Variants in PLXNA1 observed in about 807,000 individuals in gnomAD.
PLXNA1 encodes plexin-A1.
PLXNA1 carries 77 observed loss-of-function variants against 191.7 expected under a neutral mutation model. The observed-to-expected ratio is 0.40, with a 90% CI of 0.33 to 0.49. The LOEUF (loss-of-function observed/expected upper bound fraction) is 0.49. PLXNA1 is among the 20% of genes least tolerant of loss of function. The pLI, the probability that PLXNA1 is intolerant of heterozygous loss-of-function variation, is 0.63. For missense variants in PLXNA1, 2,110 were observed against 2,660.2 expected (o/e 0.79, Z 4.55); for synonymous variants, 1,137 against 1,156.4 (o/e 0.98, Z 0.34).
intron 1 of PLXNA1, among the ~76,000 whole-genome samples, chr3:126,983,805 C>G (rs935422489): frequency 3.9e-5 from 6 of 152,002 alleles, no homozygotes; most frequent in African/African-American, 1.4e-4. Context: ...GGTGGCCAGG[C>G]CCGGATAGGG....
intron 9 of PLXNA1, among the ~76,000 whole-genome samples, 164 bp downstream of exon 9, chr3:127,008,077 C>A (rs1002561566): frequency 4.6e-5 from 7 of 152,140 alleles, no homozygotes; most frequent in Non-Finnish European, 8.8e-5. Flanking sequence ...AGTGAGGTGA[C>A]CCTGGATGCC....
chr3:127,015,770 G>C (rs2079119763), intron 15 of PLXNA1, among the ~76,000 whole-genome samples: 1 of 152,166 alleles, frequency 6.6e-6, no homozygotes, highest in Admixed American at 6.5e-5. Context: ...CTGCAGCTGA[G>C]GGGGCCTGGT....
intron 31 of PLXNA1, among the ~76,000 whole-genome samples, 197 bp from the exon 32 acceptor site, chr3:127,033,725 A>G (rs1306570807): frequency 6.6e-6 from 1 of 152,066 alleles, no homozygotes; most frequent in African/African-American, 2.4e-5. Flanking sequence ...TTAGGGGGTG[A>G]GAGTAGGATG....
At chr3:126,988,136 T>C (rs939669356) in intron 1 of PLXNA1, among the ~76,000 whole-genome samples, 1 of 152,086 alleles carries the variant, frequency 6.6e-6, no homozygotes, top group African/African-American at 2.4e-5. Context: ...AGGGTCCTGC[T>C]CCCCAGTGCA....
intron 8 of PLXNA1, among the ~76,000 whole-genome samples, chr3:127,007,182 T>C (rs948208936): frequency 2.6e-5 from 4 of 151,818 alleles, no homozygotes; most frequent in Middle Eastern, 3.4e-3. Context: ...GGAGAGGAGA[T>C]GGAGGTGGTG....
intron 20 of PLXNA1, among the ~76,000 whole-genome samples, chr3:127,019,855 G>A (rs553659496): frequency 2.0e-5 from 3 of 152,242 alleles, no homozygotes; most frequent in African/African-American, 4.8e-5. Context: ...ACCCCTGGCC[G>A]CACTCCACCA....
chr3:127,030,521 T>C (rs2079204004), intron 29 of PLXNA1, 109 bp downstream of exon 29: 1 of 1,358,208 alleles, frequency 7.4e-7, no homozygotes, highest in South Asian at 1.3e-5. Flanking sequence ...CTCCCTGGCG[T>C]GGGGACACAA....
At chr3:126,998,667 C>T (rs2079025832) in intron 3 of PLXNA1, among the ~76,000 whole-genome samples, 1 of 152,250 alleles carries the variant, frequency 6.6e-6, no homozygotes, top group Non-Finnish European at 1.5e-5. Flanking sequence ...AATTCTCACA[C>T]AGCTCTGTGA....
rs1164812394 is a variant in PLXNA1 at position 127,006,240 on chromosome 3, T to G, written c.1997+62T>G. On this transcript the variant is annotated intron_variant, in intron 8 of 31. Coordinates refer to ENST00000393409, the MANE Select transcript of PLXNA1 (RefSeq NM_032242.4). ...GGGCTACTTGCCCCACTCCCGTCCC[T>G]GTGGTCCCACTGTGCTTGCTGTCTG... The G allele has an allele frequency of 3.9e-6, 5 of 1,293,962 alleles. No homozygotes were observed. In the East Asian group the frequency reaches 1.2e-4, roughly 30 times the overall value. The allele number at this position is 1,293,962 out of a possible 1,614,324, so 80.2% of individuals were successfully genotyped here. A position where few individuals can be genotyped will look rare whatever the true frequency, so the allele number is the denominator to read the frequency against.
chr3:127,006,293 C>T, intron 8 of PLXNA1, 115 bp downstream of exon 8: 1 of 795,844 alleles, frequency 1.3e-6, no homozygotes, highest in Non-Finnish European at 2.2e-6. Flanking sequence ...GGCCAGGCAG[C>T]AGATGGTGAT....
chr3:127,029,792 C>T (rs2107638295), intron 27 of PLXNA1, 82 bp from the exon 28 acceptor site: 2 of 1,445,844 alleles, frequency 1.4e-6, no homozygotes, highest in Non-Finnish European at 1.8e-6. Flanking sequence ...GGTGCCATCC[C>T]CAGCTTTCAG....
chr3:127,009,015 A>G (rs1484267882), intron 9 of PLXNA1, among the ~76,000 whole-genome samples: 1 of 152,128 alleles, frequency 6.6e-6, no homozygotes, highest in Non-Finnish European at 1.5e-5. Context: ...GAGCCAGGCC[A>G]AGGTGTCCTG....
intron 3 of PLXNA1, among the ~76,000 whole-genome samples, chr3:126,995,613 G>C (rs142182254): frequency 6.6e-6 from 1 of 152,242 alleles, no homozygotes; most frequent in Non-Finnish European, 1.5e-5. Flanking sequence ...CTGAGCACCC[G>C]GTTTTTCAAG....
intron 3 of PLXNA1, among the ~76,000 whole-genome samples, chr3:126,998,907 C>T (rs548311710): frequency 7.2e-5 from 11 of 152,314 alleles, no homozygotes; most frequent in East Asian, 5.8e-4. Context: ...TTCCAGCCCT[C>T]GGGCTTCCTG....
chr3:126,995,114 A>C (rs1366378724), intron 3 of PLXNA1, among the ~76,000 whole-genome samples: 2 of 152,110 alleles, frequency 1.3e-5, no homozygotes, highest in Admixed American at 6.5e-5. Flanking sequence ...GTTCCTGTCA[A>C]ACTGTTGGGG....
chr3:127,022,691 G>A (rs1427927053), intron 22 of PLXNA1, 61 bp from the exon 23 acceptor site: 2 of 1,460,862 alleles, frequency 1.4e-6, no homozygotes, highest in African/African-American at 2.8e-5. Context: ...GGCCTGCAGG[G>A]GCCCTGTGCC....
chr3:127,014,577 G>A lies in PLXNA1; in HGVS notation c.2704G>A (p.Val902Met), dbSNP rs145637703. The change falls in exon 13 of 32, where the codon GTG (valine) becomes ATG (methionine). Residue 902 changes from valine to methionine, a missense_variant. Transcript: ENST00000393409. ...RFEDVRLGVR[V>M]GKVLCSPVES... is the part of the protein sequence containing the mutation. ...CGAAGACGTGCGTCTGGGCGTGCGC[G>A]TGGGCAAGGTGCTGTGCAGCCCTGT... The A allele has an allele frequency of 7.4e-6, 12 of 1,613,110 alleles. No homozygotes were observed. Among genetic ancestry groups the A allele is most frequent in the South Asian group, 2.2e-5 (2 of 91,086 alleles).
At position 127,006,077 on chromosome 3, in the gene PLXNA1, A is replaced by T. The variant is rs1257812491; in HGVS notation, c.1898-2A>T. ...GGTGACTCAGCCATGCTGCTCGTGCAGGAGACCAGCGGGTGGTGAAACTCT... is the reference window on the plus strand; with the variant it reads ...GGTGACTCAGCCATGCTGCTCGTGCTGGAGACCAGCGGGTGGTGAAACTCT... On this transcript the variant is annotated splice_acceptor_variant, in intron 7 of 31. Transcript: ENST00000393409. LOFTEE classifies it high-confidence loss of function. The T allele has an allele frequency of 6.2e-7, 1 of 1,611,982 alleles. No individual in the cohort carries two copies.
At chr3:127,022,035 G>A (rs1367344964) in intron 21 of PLXNA1, 50 bp from the exon 22 acceptor site, 3 of 1,581,970 alleles carry the variant, frequency 1.9e-6, no homozygotes, top group Non-Finnish European at 1.7e-6. Context: ...TCAGCTTGGG[G>A]GCTGGGGCTG....
Sources: gnomAD v4.1 joint callset for allele counts (sites outside exome capture counted in the v4.1 genomes callset) on GRCh38, gnomAD v4.1.1 for gene constraint, MANE v1.5 for transcripts, NCBI Gene and HGNC (gene_info 2026-07-23, HGNC 2026-07-21) for gene names.